ANKS1B: variants seen among roughly 807,000 people sequenced by gnomAD.
The protein encoded by ANKS1B is ankyrin repeat and sterile alpha motif domain containing 1B.
ANKS1B carries 36 observed loss-of-function variants against 148.3 expected under a neutral mutation model. The ratio of observed to expected loss-of-function variants is 0.24; its 90% CI spans 0.19 to 0.32. The LOEUF is 0.32. Ranked by LOEUF, ANKS1B falls within the 10% of genes least tolerant of loss-of-function variation. The probability of loss-of-function intolerance (pLI) is 1.00; values close to 1 mark genes in which losing one functional copy is unlikely to be tolerated. For missense variants in ANKS1B, 1,157 were observed against 1,542.6 expected, an observed-to-expected ratio of 0.75 and a Z score of 4.19; for synonymous variants, 542 against 560.8, an observed-to-expected ratio of 0.97 and a Z score of 0.47.
intron 1 of ANKS1B, among the ~76,000 whole-genome samples, chr12:99,865,482 A>G (rs185818766): frequency 5.3e-5 from 8 of 152,300 alleles, no homozygotes; most frequent in Admixed American, 5.2e-4. Flanking sequence ...CAGAAGTAGT[A>G]GGTACCGAGG....
At chr12:99,842,903 C>A (rs1437711806) in intron 1 of ANKS1B, among the ~76,000 whole-genome samples, 1 of 152,080 alleles carries the variant, frequency 6.6e-6, no homozygotes, top group Non-Finnish European at 1.5e-5. Context: ...TAATTCAAAC[C>A]ATCAATAACT....
At chr12:99,712,019 A>C (rs1282277999) in intron 8 of ANKS1B, among the ~76,000 whole-genome samples, 1 of 152,230 alleles carries the variant, frequency 6.6e-6, no homozygotes, top group Admixed American at 6.5e-5. Flanking sequence ...CAGTCATAAA[A>C]AATAATGAGA....
At chr12:99,310,756 C>T (rs1256454528) in intron 12 of ANKS1B, among the ~76,000 whole-genome samples, 1 of 152,122 alleles carries the variant, frequency 6.6e-6, no homozygotes, top group Admixed American at 6.6e-5. Flanking sequence ...ATCATGTGAG[C>T]CAATTCCTTA....
chr12:99,587,730 G>T lies in ANKS1B; in HGVS notation c.1272+67337C>A, dbSNP rs533834100. Reference sequence around the variant, plus strand: ...AAAAAGTTTCACATTTGTACATGTTGCCATATGACACACTTTCAGTGGATT... The same window carrying T: ...AAAAAGTTTCACATTTGTACATGTTTCCATATGACACACTTTCAGTGGATT... On this transcript the variant is annotated intron_variant, in intron 9 of 26. Transcript: ENST00000683438. Among the ~76,000 whole-genome samples, 6 of 152,266 alleles carry T rather than the reference G, an allele frequency of 3.9e-5. No individual in the cohort carries two copies. In the South Asian group the frequency reaches 1.2e-3, roughly 32 times the overall value.
chr12:99,841,463 C>T (rs2085733337), intron 1 of ANKS1B, among the ~76,000 whole-genome samples: 1 of 151,852 alleles, frequency 6.6e-6, no homozygotes, highest in Non-Finnish European at 1.5e-5. Context: ...TGTAAATTGT[C>T]TCTGGTTTTC....
At chr12:99,011,974 T>C (rs779790232) in intron 17 of ANKS1B, among the ~76,000 whole-genome samples, 6 of 152,186 alleles carry the variant, frequency 3.9e-5, no homozygotes, top group Non-Finnish European at 7.3e-5. Flanking sequence ...GGGAAAGTTG[T>C]ATCACTGATG....
chr12:99,038,300 C>T (rs2099956784), intron 17 of ANKS1B, among the ~76,000 whole-genome samples: 1 of 152,118 alleles, frequency 6.6e-6, no homozygotes, highest in African/African-American at 2.4e-5. Context: ...CTCAAGAAAC[C>T]TCAGGCCAAA....
chr12:98,761,572 T>C (rs2098406781), intron 25 of ANKS1B, among the ~76,000 whole-genome samples: 1 of 152,212 alleles, frequency 6.6e-6, no homozygotes, highest in African/African-American at 2.4e-5. Context: ...AGCTTCCTTT[T>C]AGCCTATATT....
At chr12:98,753,067 T>A (rs897799620) in intron 25 of ANKS1B, among the ~76,000 whole-genome samples, 12 of 152,280 alleles carry the variant, frequency 7.9e-5, no homozygotes, top group Admixed American at 7.2e-4. Context: ...GTCCACTCTA[T>A]ATTTTATCAT....
intron 17 of ANKS1B, among the ~76,000 whole-genome samples, chr12:98,894,265 A>G (rs2099758798): frequency 2.6e-5 from 4 of 152,140 alleles, no homozygotes; most frequent in Admixed American, 2.6e-4. Context: ...ATTAAAGACA[A>G]ACGACCTTTG....
intron 12 of ANKS1B, among the ~76,000 whole-genome samples, chr12:99,283,089 A>T (rs2078686566): frequency 3.9e-5 from 6 of 152,220 alleles, no homozygotes. Flanking sequence ...TTAGAATGCA[A>T]GTCTTCATTC....
rs5800375 is a variant in ANKS1B, at chr12:99,092,470, G to GAAAA, written c.2527-7451_2527-7448dup. ...TTTTGTAATCACAAGCTGTGAAGCT[G>GAAAA]AAAAAAAAAAAAAAAAAAAACTTCC... On this transcript the variant is annotated intron_variant, in intron 15 of 26. Transcript: ENST00000683438. Among the ~76,000 whole-genome samples the GAAAA allele has an allele frequency of 9.3e-4, 108 of 116,690 alleles. 1 individual carries two copies. Among genetic ancestry groups the GAAAA allele is most frequent in the African/African-American group, 3.3e-3 (101 of 30,892 alleles). The allele number at this position is 116,690 out of a possible 152,430, so 76.6% of individuals were successfully genotyped here. A position where few individuals can be genotyped will look rare whatever the true frequency, so the allele number is the denominator to read the frequency against.
chr12:99,221,262 C>T (rs1231772225), intron 14 of ANKS1B, among the ~76,000 whole-genome samples: 7 of 152,090 alleles, frequency 4.6e-5, no homozygotes, highest in Non-Finnish European at 2.9e-5. Flanking sequence ...ATGGCGTGAA[C>T]CCGGGAGGTG....
chr12:99,140,154 G>A (rs1316349693), intron 15 of ANKS1B, among the ~76,000 whole-genome samples: 1 of 152,076 alleles, frequency 6.6e-6, no homozygotes, highest in Non-Finnish European at 1.5e-5. Context: ...TGTTTCCTAG[G>A]GAAAGTGCTA....
intron 14 of ANKS1B, among the ~76,000 whole-genome samples, chr12:99,213,185 G>C (rs2083595484): frequency 6.6e-6 from 1 of 152,180 alleles, no homozygotes; most frequent in Admixed American, 6.5e-5. Flanking sequence ...TTGTCTAACA[G>C]GATTTTTGAT....
rs529823239 is a variant in ANKS1B at position 98,758,693 on chromosome 12, G to A, written c.3580-7171C>T. Among the ~76,000 whole-genome samples, 234 of 152,218 alleles carry A rather than the reference G, an allele frequency of 1.5e-3. 1 individual carries two copies. Among genetic ancestry groups the A allele is most frequent in the African/African-American group, 5.2e-3 (217 of 41,538 alleles). On this transcript the variant is annotated intron_variant, in intron 25 of 26. Coordinates refer to ENST00000683438, the MANE Select transcript of ANKS1B (RefSeq NM_001352186.2). ...CAGTCCAATGGGGAAAAACCTCCTGGAAAGCACAGGAATTCCCCTCTTCCC... is the reference window on the plus strand; with the variant it reads ...CAGTCCAATGGGGAAAAACCTCCTGAAAAGCACAGGAATTCCCCTCTTCCC...
At chr12:99,753,539 C>G (rs943468888) in intron 8 of ANKS1B, among the ~76,000 whole-genome samples, 8 of 152,062 alleles carry the variant, frequency 5.3e-5, no homozygotes, top group African/African-American at 1.9e-4. Context: ...TGGCTGGTAA[C>G]AGTCTTTCCT....
chr12:99,517,977 C>T (rs898613937), intron 9 of ANKS1B, among the ~76,000 whole-genome samples: 4 of 152,140 alleles, frequency 2.6e-5, no homozygotes, highest in Non-Finnish European at 5.9e-5. Flanking sequence ...TTGAAATGAT[C>T]ATATGGTTTT....
chr12:99,502,607 T>A (rs942356381), intron 10 of ANKS1B, among the ~76,000 whole-genome samples: 4 of 152,144 alleles, frequency 2.6e-5, no homozygotes, highest in Non-Finnish European at 4.4e-5. Flanking sequence ...GTACCAAATC[T>A]ACCCCTCATT....
Sources: gnomAD v4.1 joint callset for allele counts (sites outside exome capture counted in the v4.1 genomes callset) on GRCh38, gnomAD v4.1.1 for gene constraint, MANE v1.5 for transcripts, NCBI Gene and HGNC (gene_info 2026-07-23, HGNC 2026-07-21) for gene names.